The following NCR3LG1 variants were observed in gnomAD, a reference collection of about 807,000 sequenced individuals.
NCR3LG1 encodes natural cytotoxicity triggering receptor 3 ligand 1.
In NCR3LG1, 35 loss-of-function variants were observed where a neutral mutation model predicts 34.8. The observed-to-expected ratio is 1.01, with a 90% CI of 0.77 to 1.33. The LOEUF (loss-of-function observed/expected upper bound fraction) is 1.33, where lower values mean the gene tolerates loss of function less well. Ranked by LOEUF, NCR3LG1 falls within the 40% of genes most tolerant of loss-of-function variation. NCR3LG1 has a pLI of 0.00. For missense variants in NCR3LG1, 452 were observed against 423.3 expected (o/e 1.07, Z -0.60); for synonymous variants, 173 against 163.6 (o/e 1.06, Z -0.44).
rs779965207 is a variant in NCR3LG1 at position 17,352,034 on chromosome 11, C to T, written c.65C>T (p.Thr22Ile). 3.3e-5 allele frequency: 49 copies of T among 1,495,288 alleles called. No homozygotes were observed. In the South Asian group the frequency reaches 6.0e-4, roughly 18 times the overall value. 92.6% of individuals were successfully genotyped at this position (1,495,288 alleles called of 1,614,324 possible). Reference protein sequence around the residue: ...ALLILLWALTTEGDLKVEMMA... With the variant: ...ALLILLWALTIEGDLKVEMMA... The stretch of plus-strand genomic sequence containing the variant: ...CTGATTCTGCTGTGGGCGCTGACGA[C>T]CGAAGGTAGGGGGCGGCTGGGGTGG... The change falls in exon 1 of 5, where the codon ACC becomes ATC. Residue 22 changes from threonine (T) to isoleucine (I), a missense_variant. By Grantham distance (89) the Thr-to-Ile change is moderately conservative (BLOSUM62 -1). Transcript: ENST00000338965.
rs12276037 is a variant in NCR3LG1, at chr11:17,355,074, C to T, written c.71-1577C>T. 8.4e-3 allele frequency among the ~76,000 whole-genome samples: 1,274 copies of T among 152,186 alleles called. 17 individuals are homozygous for T. Among genetic ancestry groups the T allele is most frequent in the African/African-American group, 0.029 (1,204 of 41,506 alleles). On this transcript the variant is annotated intron_variant, in intron 1 of 4. Coordinates refer to ENST00000338965, the MANE Select transcript of NCR3LG1 (RefSeq NM_001202439.3). ...CACTTTTTGTTGGAATAGGTATAAG[C>T]GTAAACTTGCTAGCAACCTACTGTT...
At position 17,356,683 on chromosome 11, in the gene NCR3LG1, A is replaced by T. The variant is rs1236434695; in HGVS notation, c.103A>T (p.Thr35Ser). Residue 35 changes from threonine to serine, a missense_variant, in exon 2 of 5, where the codon ACT becomes TCT. By Grantham distance (58) the Thr-to-Ser change is moderately conservative. Coordinates refer to ENST00000338965, the MANE Select transcript of NCR3LG1 (RefSeq NM_001202439.3). ...DLKVEMMAGG[T>S]QITPLNDNVT... ...GAAAGTAGAGATGATGGCAGGGGGG[A>T]CTCAGATCACACCCCTGAATGACAA... 7.2e-6 allele frequency: 11 copies of T among 1,535,462 alleles called. No individual in the cohort carries two copies. Among genetic ancestry groups the T allele is most frequent in the Admixed American group, 3.9e-5 (2 of 50,936 alleles).
At chr11:17,363,697 A>G (rs1273645856) in intron 2 of NCR3LG1, among the ~76,000 whole-genome samples, 1 of 151,820 alleles carries the variant, frequency 6.6e-6, no homozygotes, top group South Asian at 2.1e-4. Context: ...CTCAAGCCCA[A>G]GTGATCCTCC....
At chr11:17,377,754 G>T (rs1286689168), downstream of NCR3LG1, among the ~76,000 whole-genome samples, 2 of 152,142 alleles carry the variant, frequency 1.3e-5, no homozygotes, top group African/African-American at 4.8e-5. Context: ...TCCTCCCTAG[G>T]CACTGGAAGG....
intron 1 of NCR3LG1, among the ~76,000 whole-genome samples, chr11:17,355,321 C>G (rs1591677227): frequency 6.6e-6 from 1 of 152,012 alleles, no homozygotes; most frequent in South Asian, 2.1e-4. Context: ...CACTTGAGCC[C>G]AGGAGGTGGA....
chr11:17,356,768 T>C lies in NCR3LG1; in HGVS notation c.188T>C (p.Ile63Thr). 3.3e-6 allele frequency: 5 copies of C among 1,536,398 alleles called. No homozygotes were observed. The highest frequency in any genetic ancestry group is 4.4e-6 in the Non-Finnish European group (5 of 1,146,964). ...CCCCTCAACATCACGTCTATGGGTATCACCTGGTTTTGGAAGAGTCTGACG... is the reference window on the plus strand; with the variant it reads ...CCCCTCAACATCACGTCTATGGGTACCACCTGGTTTTGGAAGAGTCTGACG... ...SQPLNITSMG[I>T]TWFWKSLTFD... Residue 63 changes from isoleucine (I) to threonine (T), a missense_variant, in exon 2 of 5, where the codon ATC becomes ACC. Ile to Thr is a moderately conservative substitution (Grantham distance 89). Coordinates refer to ENST00000338965, the MANE Select transcript of NCR3LG1 (RefSeq NM_001202439.3).
chr11:17,354,403 C>T (rs1471398623), intron 1 of NCR3LG1, among the ~76,000 whole-genome samples: 1 of 152,172 alleles, frequency 6.6e-6, no homozygotes, highest in African/African-American at 2.4e-5. Context: ...ACGAGGTTTC[C>T]CAAATTTGCC....
intron 3 of NCR3LG1, among the ~76,000 whole-genome samples, chr11:17,368,500 A>G (rs143493939): frequency 6.6e-6 from 1 of 152,060 alleles, no homozygotes; most frequent in East Asian, 1.9e-4. Flanking sequence ...CAGGGAGGGT[A>G]TGTGTGTCCA....
chr11:17,357,062 C>T (rs964960649), intron 2 of NCR3LG1, 61 bp downstream of exon 2: 4 of 1,076,550 alleles, frequency 3.7e-6, no homozygotes, highest in Non-Finnish European at 5.2e-6. Context: ...AACAACAAAA[C>T]CCACACACCT....
chr11:17,354,545 C>CTTTTTTTTTTTTTTTTTTTT, intron 1 of NCR3LG1, among the ~76,000 whole-genome samples: 2 of 70,296 alleles, frequency 2.8e-5, no homozygotes, highest in Admixed American at 1.4e-4. Context: ...AATTCTTCTT[C>CTTTTTTTTTTTTTTTTTTTT]TTTTTTTTTT....
At chr11:17,365,231 G>A (rs906970100) in intron 2 of NCR3LG1, among the ~76,000 whole-genome samples, 1 of 152,096 alleles carries the variant, frequency 6.6e-6, no homozygotes, top group African/African-American at 2.4e-5. Context: ...AATGCTTATT[G>A]TAGCTATAGG....
intron 2 of NCR3LG1, among the ~76,000 whole-genome samples, chr11:17,364,435 C>G (rs1010455353): frequency 6.6e-6 from 1 of 152,172 alleles, no homozygotes; most frequent in South Asian, 2.1e-4. Context: ...CTCAAGCAAT[C>G]TGCCCACCTT....
chr11:17,362,675 CCTTCCTTCCTTCCTTCCTTTCTTT>C (rs1285111236), intron 2 of NCR3LG1, among the ~76,000 whole-genome samples: 683 of 63,984 alleles, frequency 0.011, 103 homozygotes, highest in African/African-American at 0.037. Flanking sequence ...CTCAGTGTCT[CCTTCCTTCCTTCCTTCCTTTCTTT>C]CTTTCTTTCT....
rs150641979 is a variant in NCR3LG1, at chr11:17,356,792, C to T, written c.212C>T (p.Thr71Met). The T allele has an allele frequency of 7.2e-4, 1,100 of 1,536,248 alleles. 5 individuals carry two copies. The African/African-American group carries it at 0.013, about 18-fold the overall frequency. Residue 71 changes from threonine to methionine, a missense_variant, in exon 2 of 5, where the codon ACG becomes ATG. By Grantham distance (81) the Thr-to-Met change is moderately conservative (BLOSUM62 -1). Transcript: ENST00000338965. The stretch of plus-strand genomic sequence containing the variant: ...ATCACCTGGTTTTGGAAGAGTCTGA[C>T]GTTTGACAAAGAAGTCAAAGTCTTT... ...MGITWFWKSL[T>M]FDKEVKVFEF...
At chr11:17,358,288 T>C (rs540678343) in intron 2 of NCR3LG1, among the ~76,000 whole-genome samples, 148 of 152,364 alleles carry the variant, frequency 9.7e-4, no homozygotes, top group African/African-American at 3.4e-3. Context: ...CATTTAATTG[T>C]TATATGTTCT....
At chr11:17,365,503 C>T (rs1210144387) in intron 2 of NCR3LG1, among the ~76,000 whole-genome samples, 2 of 152,182 alleles carry the variant, frequency 1.3e-5, no homozygotes, top group Non-Finnish European at 2.9e-5. Flanking sequence ...TTTTCTCTTT[C>T]TCTCTTCTTA....
intron 4 of NCR3LG1, among the ~76,000 whole-genome samples, chr11:17,370,479 A>ACTGC (rs1953394185): frequency 6.6e-6 from 1 of 152,294 alleles, no homozygotes; most frequent in South Asian, 2.1e-4. Context: ...TTTCCTGAAG[A>ACTGC]CTGAACAAAA....
rs186293610 is a variant in NCR3LG1 at position 17,374,862 on chromosome 11, C to T, written c.*2350C>T. The T allele has an allele frequency of 2.0e-5, 3 of 151,712 alleles. No individual in the cohort carries two copies. Among genetic ancestry groups the T allele is most frequent in the Non-Finnish European group, 4.4e-5 (3 of 67,940 alleles). The allele number at this position is 151,712 out of a possible 1,614,324, so 9.4% of individuals were successfully genotyped here. On this transcript the variant is annotated 3_prime_UTR_variant, in exon 5 of 5. Coordinates refer to ENST00000338965, the MANE Select transcript of NCR3LG1 (RefSeq NM_001202439.3). ...AAACAAGCCTTGCTTAAAGCACCAG[C>T]CCCCAGTCTTTCTGTAGGGAAGTCC...
In NCR3LG1 at chr11:17,374,452, T is replaced by A. The variant is rs1332144432; in HGVS notation, c.*1940T>A. 6.6e-6 allele frequency: 1 copy of A among 152,196 alleles called. No homozygotes were observed. Among genetic ancestry groups the A allele is most frequent in the Non-Finnish European group, 1.5e-5 (1 of 68,026 alleles). 9.4% of individuals were successfully genotyped at this position (152,196 alleles called of 1,614,324 possible). On this transcript the variant is annotated 3_prime_UTR_variant, in exon 5 of 5. Transcript: ENST00000338965. The stretch of plus-strand genomic sequence containing the variant: ...AGGTTAAAGTTTTACAATATGTAGA[T>A]GACATTCTCCTCTGTGCCCCAACTG...
Sources: allele counts gnomAD v4.1 joint callset (sites outside exome capture counted in the v4.1 genomes callset), GRCh38; gene constraint gnomAD v4.1.1; transcripts MANE v1.5; gene names NCBI Gene and HGNC (gene_info 2026-07-23, HGNC 2026-07-21).